MAPK14: variants seen among roughly 807,000 people sequenced by gnomAD.
The protein encoded by MAPK14 is CSAID-binding protein.
MAPK14 carries 16 observed loss-of-function variants against 49.6 expected under a neutral mutation model. That is an observed-to-expected ratio of 0.32 (90% CI 0.22 to 0.49). The LOEUF (loss-of-function observed/expected upper bound fraction) is 0.49, where lower values mean the gene tolerates loss of function less well. Among genes scored for constraint, MAPK14 ranks in the 20% least tolerant of loss-of-function variants. The pLI, the probability that MAPK14 is intolerant of heterozygous loss-of-function variation, is 0.99. For synonymous variants in MAPK14, 142 were observed against 158.0 expected, an observed-to-expected ratio of 0.90 and a Z score of 0.76; for missense variants, 200 against 441.2, an observed-to-expected ratio of 0.45 and a Z score of 4.90.
At chr6:36,092,646 C>T in intron 8 of MAPK14, 1 of 384,896 alleles carries the variant, frequency 2.6e-6, no homozygotes, top group East Asian at 7.1e-5. Context: ...TCTTGGCTCT[C>T]CCTTTTCAAA....
intron 8 of MAPK14, 94 bp downstream of exon 8, chr6:36,076,702 C>A: frequency 3.2e-6 from 3 of 928,422 alleles, no homozygotes; most frequent in South Asian, 1.6e-5. Context: ...GGAAGACTCT[C>A]AGTATTTTGC....
At chr6:36,122,441 G>A in the MAPK14 span, among the ~76,000 whole-genome samples, 2 of 152,246 alleles carry the variant, frequency 1.3e-5, no homozygotes, top group Admixed American at 6.5e-5. Flanking sequence ...GAGATGCAGC[G>A]ATAACAAGGC....
chr6:36,066,237 C>T (rs1381232746), intron 3 of MAPK14, among the ~76,000 whole-genome samples: 1 of 152,060 alleles, frequency 6.6e-6, no homozygotes, highest in Non-Finnish European at 1.5e-5. Context: ...GCATCTCTCC[C>T]TGGTCTTTTG....
intron 8 of MAPK14, among the ~76,000 whole-genome samples, chr6:36,088,839 A>G (rs1321195714): frequency 6.6e-6 from 1 of 152,212 alleles, no homozygotes; most frequent in African/African-American, 2.4e-5. Flanking sequence ...GAGAAATGCA[A>G]ATGAAAACCA....
At chr6:36,072,329 T>TA (rs1188874848) in intron 3 of MAPK14, among the ~76,000 whole-genome samples, 1 of 151,626 alleles carries the variant, frequency 6.6e-6, no homozygotes, top group South Asian at 2.1e-4. Context: ...ACCCTGTCTC[T>TA]AAAAAAAAGA....
At chr6:36,095,766 G>A (rs1024766833) in intron 8 of MAPK14, among the ~76,000 whole-genome samples, 12 of 152,060 alleles carry the variant, frequency 7.9e-5, no homozygotes, top group Non-Finnish European at 1.5e-4. Context: ...GTGGATATGT[G>A]TTTGGTAGCA....
At chr6:36,049,540 G>A (rs1763314219) in intron 1 of MAPK14, among the ~76,000 whole-genome samples, 1 of 152,100 alleles carries the variant, frequency 6.6e-6, no homozygotes. Flanking sequence ...TTAACTCTGG[G>A]GTGGTACCTG....
At chr6:36,098,116 GAA>G (rs902128320) in intron 9 of MAPK14, 1 of 151,978 alleles carries the variant, frequency 6.6e-6, no homozygotes, top group Non-Finnish European at 1.5e-5. Flanking sequence ...ATTAAAAAAA[GAA>G]AAAAGACATT....
At chr6:36,100,932 G>T (rs115917435) in intron 9 of MAPK14, among the ~76,000 whole-genome samples, 1 of 152,052 alleles carries the variant, frequency 6.6e-6, no homozygotes, top group African/African-American at 2.4e-5. Context: ...TATTCAGGTC[G>T]TCTTTTGATT....
the MAPK14 span, among the ~76,000 whole-genome samples, chr6:36,123,640 G>C: frequency 3.0e-4 from 45 of 152,356 alleles, no homozygotes; most frequent in African/African-American, 1.0e-3. Flanking sequence ...CACAGTGCCA[G>C]GGGGCTCAGC....
intron 8 of MAPK14, among the ~76,000 whole-genome samples, chr6:36,089,713 AG>A (rs1179769952): frequency 1.6e-4 from 24 of 152,216 alleles, no homozygotes; most frequent in Non-Finnish European, 2.5e-4. Flanking sequence ...CTAGTTGACT[AG>A]GGATATCAAG....
chr6:36,115,242 C>CTG (rs10633883), downstream of MAPK14, among the ~76,000 whole-genome samples: 137,863 of 152,156 alleles, frequency 0.91, 62,728 homozygotes, highest in East Asian at 1. Context: ...AAAATAGAAA[C>CTG]TGCCACCACC....
intron 8 of MAPK14, among the ~76,000 whole-genome samples, chr6:36,092,932 A>G (rs999885648): frequency 4.7e-4 from 71 of 152,330 alleles, no homozygotes; most frequent in African/African-American, 1.6e-3. Flanking sequence ...GAGAGTTACA[A>G]GAGTTACTTG....
the MAPK14 span, among the ~76,000 whole-genome samples, chr6:36,121,126 CGTG>C: frequency 6.6e-6 from 1 of 151,920 alleles, no homozygotes; most frequent in Non-Finnish European, 1.5e-5. Flanking sequence ...CAAGCAAAGA[CGTG>C]GTGACAGGGA....
chr6:36,118,729 C>G, the MAPK14 span, among the ~76,000 whole-genome samples: 6 of 152,194 alleles, frequency 3.9e-5, no homozygotes, highest in Admixed American at 1.3e-4. Context: ...ACAGCTCTGC[C>G]CAGTGAGACA....
intron 3 of MAPK14, among the ~76,000 whole-genome samples, chr6:36,071,792 C>T (rs1055500874): frequency 4.6e-5 from 7 of 152,158 alleles, no homozygotes; most frequent in African/African-American, 1.4e-4. Flanking sequence ...ATTTGTCATG[C>T]AAGAATAACA....
At chr6:36,059,663 TTTG>T (rs58187530) in intron 3 of MAPK14, among the ~76,000 whole-genome samples, 35 of 151,588 alleles carry the variant, frequency 2.3e-4, no homozygotes, top group Admixed American at 1.6e-3. Context: ...CAGGTTTGGT[TTTG>T]TTGTTGTTGT....
At chr6:36,086,655 G>A (rs1764997810) in intron 8 of MAPK14, among the ~76,000 whole-genome samples, 1 of 152,090 alleles carries the variant, frequency 6.6e-6, no homozygotes, top group Non-Finnish European at 1.5e-5. Flanking sequence ...GTAATAAATA[G>A]CCTACCAAGC....
rs570425690 is a variant in MAPK14 at position 36,067,574 on chromosome 6, A to G, written c.306-5299A>G. 5.9e-5 allele frequency among the ~76,000 whole-genome samples: 9 copies of G among 152,256 alleles called. No individual in the cohort carries two copies. In the South Asian group the frequency reaches 1.2e-3, roughly 21 times the overall value. On this transcript the variant is annotated intron_variant, in intron 3 of 11. Coordinates refer to ENST00000229794, the MANE Select transcript of MAPK14 (RefSeq NM_139012.3). ...CTTTTTTGTTTTCATCCTGTAATGT[A>G]GACTGTGTGGTAAAATATTGAGTCT...
Sources: gnomAD v4.1 joint callset for allele counts (sites outside exome capture counted in the v4.1 genomes callset) on GRCh38, gnomAD v4.1.1 for gene constraint, MANE v1.5 for transcripts, NCBI Gene and HGNC (gene_info 2026-07-23, HGNC 2026-07-21) for gene names.